LONP1: variants seen among roughly 807,000 people sequenced by gnomAD.
LONP1 encodes the protein lon protease homolog, mitochondrial.
A neutral mutation model predicts 98.5 loss-of-function variants in LONP1; 31 were observed. The observed-to-expected ratio is 0.31, with a 90% CI of 0.24 to 0.42. The LOEUF (loss-of-function observed/expected upper bound fraction) is 0.42. LONP1 is among the 20% of genes least tolerant of loss of function. The probability of loss-of-function intolerance (pLI) is 1.00; values close to 1 mark genes in which losing one functional copy is unlikely to be tolerated. For synonymous variants in LONP1, 781 were observed against 594.7 expected (o/e 1.31, Z -4.56); for missense variants, 1,336 against 1,350.6 (o/e 0.99, Z 0.17).
chr19:5,704,506 T>C (rs921881691), intron 8 of LONP1, among the ~76,000 whole-genome samples: 2 of 152,154 alleles, frequency 1.3e-5, no homozygotes, highest in Non-Finnish European at 2.9e-5. Context: ...AAGAAACTCA[T>C]GCCTTCCCTC....
rs1405827973 is a variant in LONP1, at chr19:5,719,986, A to C, written c.147T>G (p.Ser49=). The part of the protein sequence containing the change: ...LLRGQRTCDA[S]PPWALWGRGP... Reference sequence around the variant, plus strand: ...CTCGGCCCCACAGTGCCCAAGGAGGAGAGGCGTCGCAGGTCCGCTGGCCTC... The same window carrying C: ...CTCGGCCCCACAGTGCCCAAGGAGGCGAGGCGTCGCAGGTCCGCTGGCCTC... Residue 49 remains serine, a synonymous_variant, in exon 1 of 18, where the codon TCT becomes TCG. Transcript: ENST00000360614. The C allele has an allele frequency of 6.3e-7, 1 of 1,582,808 alleles. No homozygotes were observed. The highest frequency in any genetic ancestry group is 1.1e-5 in the South Asian group (1 of 87,024).
intron 15 of LONP1, 123 bp downstream of exon 15, chr19:5,694,263 AC>A: frequency 9.2e-6 from 12 of 1,304,922 alleles, no homozygotes; most frequent in Admixed American, 2.3e-5. Flanking sequence ...CCAGCACACC[AC>A]CCCCCGCCAG....
chr19:5,716,281 T>TATAC lies in LONP1; in HGVS notation c.430-2011_430-2010insGTAT, dbSNP rs1464694027. On this transcript the variant is annotated intron_variant, in intron 1 of 17. Coordinates refer to ENST00000360614, the MANE Select transcript of LONP1 (RefSeq NM_004793.4). Reference sequence around the variant, plus strand: ...ATACATATATATATATATATATATATATATATATATATATATATAGTAATG... The same window carrying TATAC: ...ATACATATATATATATATATATATATATACATATATATATATATATATAGTAATG... Among the ~76,000 whole-genome samples the TATAC allele has an allele frequency of 8.2e-5, 9 of 110,298 alleles. 1 individual carries two copies. Among genetic ancestry groups the TATAC allele is most frequent in the Non-Finnish European group, 1.2e-4 (6 of 49,628 alleles). 72.4% of individuals were successfully genotyped at this position (110,298 alleles called of 152,430 possible).
intron 9 of LONP1, among the ~76,000 whole-genome samples, chr19:5,700,454 T>A (rs1005649565): frequency 3.3e-5 from 5 of 152,160 alleles, no homozygotes; most frequent in Non-Finnish European, 5.9e-5. Context: ...TCTCACTCTG[T>A]CACCCAACCT....
At position 5,696,885 on chromosome 19, in the gene LONP1, G is replaced by A. The variant is rs927039370; in HGVS notation, c.1686-128C>T. ...CACAAGATGTGGCCATGATGTGGGAGGCGGAAATGCTGGCAGCCGCCGGAT... is the reference window on the plus strand; with the variant it reads ...CACAAGATGTGGCCATGATGTGGGAAGCGGAAATGCTGGCAGCCGCCGGAT... On this transcript the variant is annotated intron_variant, in intron 10 of 17. Coordinates refer to ENST00000360614, the MANE Select transcript of LONP1 (RefSeq NM_004793.4). 1.1e-4 allele frequency: 70 copies of A among 642,032 alleles called. No homozygotes were observed. In the Middle Eastern group the frequency reaches 2.4e-3, roughly 22 times the overall value. 39.8% of individuals were successfully genotyped at this position (642,032 alleles called of 1,614,324 possible).
intron 4 of LONP1, among the ~76,000 whole-genome samples, chr19:5,710,422 G>T (rs1045613488): frequency 3.3e-5 from 5 of 150,666 alleles, no homozygotes; most frequent in Non-Finnish European, 5.9e-5. Context: ...TAGATACAGG[G>T]TCTCACTCTG....
At chr19:5,702,296 G>A (rs1215126561) in intron 8 of LONP1, among the ~76,000 whole-genome samples, 1 of 143,150 alleles carries the variant, frequency 7.0e-6, no homozygotes, top group Non-Finnish European at 1.5e-5. Context: ...CCCCATCCGG[G>A]AGGGAGGTGG....
intron 8 of LONP1, among the ~76,000 whole-genome samples, chr19:5,703,991 C>G (rs557214651): frequency 3.0e-4 from 45 of 152,348 alleles, no homozygotes; most frequent in Middle Eastern, 6.8e-3. Context: ...GTTCTCCCCC[C>G]ACAGGAGGCG....
Position 5,693,445 on chromosome 19 carries a change from G to A in LONP1, c.2556C>T (p.Asp852=), listed in dbSNP as rs1269590556. ...LHVPEGATPK[D]GPSAGCTIVT... is the part of the protein sequence containing the mutation. ...CGATGGTGCAGCCTGCGCTTGGGCC[G>A]TCCTTGGGGGTGGCGCCCTGTGGAG... is the stretch of plus-strand genomic sequence containing the variant. The change falls in exon 17 of 18, where the codon GAC becomes GAT. Residue 852 remains aspartate (D), a synonymous_variant. Coordinates refer to ENST00000360614, the MANE Select transcript of LONP1 (RefSeq NM_004793.4). 1.4e-5 allele frequency: 22 copies of A among 1,611,296 alleles called. No homozygotes were observed. Among genetic ancestry groups the A allele is most frequent in the South Asian group, 5.5e-5 (5 of 91,030 alleles).
intron 10 of LONP1, among the ~76,000 whole-genome samples, chr19:5,697,770 G>A (rs1050687423): frequency 2.6e-5 from 4 of 151,546 alleles, no homozygotes; most frequent in Non-Finnish European, 4.4e-5. Flanking sequence ...CCTTGTCTCA[G>A]GAACCCAGAG....
rs1229231954 is a variant in LONP1 at position 5,696,745 on chromosome 19, C to T, written c.1698G>A (p.Val566=). ...GGATGATCTTCCCGGGCATGGCGCCCACGTAGGTCCGCCTGTGGGTGCACA... is the reference window on the plus strand; with the variant it reads ...GGATGATCTTCCCGGGCATGGCGCCTACGTAGGTCCGCCTGTGGGTGCACA... The part of the protein sequence containing the change: ...AEIKGHRRTY[V]GAMPGKIIQC... The change falls in exon 11 of 18, where the codon GTG becomes GTA. Residue 566 remains valine, a synonymous_variant. Coordinates refer to ENST00000360614, the MANE Select transcript of LONP1 (RefSeq NM_004793.4). The T allele has an allele frequency of 3.1e-6, 5 of 1,612,984 alleles. No individual in the cohort carries two copies. The South Asian group carries it at 4.4e-5, about 14-fold the overall frequency.
Position 5,707,745 on chromosome 19 carries a change from G to A in LONP1, c.1014C>T (p.Leu338=), listed in dbSNP as rs138945274. The A allele has an allele frequency of 2.8e-4, 449 of 1,613,304 alleles. 2 individuals carry two copies. The African/African-American group carries it at 5.5e-3, about 20-fold the overall frequency. The change falls in exon 6 of 18, where the codon CTC becomes CTT. Residue 338 remains leucine, a synonymous_variant. Transcript: ENST00000360614. ...PIYLSDMGAA[L]TGAESHELQD... ...GCAGCTCATGGGACTCGGCCCCGGT[G>A]AGCGCGGCGCCCATGTCGCTCAGGT...
Position 5,712,010 on chromosome 19 carries a change from G to C in LONP1, c.639-8C>G, listed in dbSNP as rs752645915. ...TGTCTGCTGATATGGACTCTGACACGGGAGCAAGGCAGGTGTGAATCAGCC... is the reference window on the plus strand; with the variant it reads ...TGTCTGCTGATATGGACTCTGACACCGGAGCAAGGCAGGTGTGAATCAGCC... On this transcript the variant is annotated splice_region_variant and splice_polypyrimidine_tract_variant and intron_variant, in intron 3 of 17. Coordinates refer to ENST00000360614, the MANE Select transcript of LONP1 (RefSeq NM_004793.4). The C allele has an allele frequency of 1.9e-6, 3 of 1,607,932 alleles. No homozygotes were observed. Among genetic ancestry groups the C allele is most frequent in the South Asian group, 2.2e-5 (2 of 90,832 alleles).
intron 9 of LONP1, among the ~76,000 whole-genome samples, chr19:5,699,438 C>T (rs993384076): frequency 1.3e-5 from 2 of 152,094 alleles, no homozygotes; most frequent in African/African-American, 4.8e-5. Flanking sequence ...GCTAGGAGAC[C>T]GCGGCCACCC....
At position 5,705,926 on chromosome 19, in the gene LONP1, T is replaced by G; in HGVS notation, c.1213A>C (p.Lys405Gln). Reference sequence around the variant, plus strand: ...TCGTCCTTCTCCAGGCCCAGCTCCTTCTTGATGATCTTTAGCTGCTCCTGC... The same window carrying G: ...TCGTCCTTCTCCAGGCCCAGCTCCTGCTTGATGATCTTTAGCTGCTCCTGC... ...LLQEQLKIIK[K>Q]ELGLEKDDKD... The change falls in exon 8 of 18, where the codon AAG (lysine) becomes CAG (glutamine). Residue 405 changes from lysine to glutamine, a missense_variant. By Grantham distance (53) the Lys-to-Gln change is moderately conservative. Transcript: ENST00000360614. The G allele has an allele frequency of 6.2e-7, 1 of 1,614,034 alleles. No individual in the cohort carries two copies. The highest frequency in any genetic ancestry group is 8.5e-7 in the Non-Finnish European group (1 of 1,180,012).
chr19:5,698,046 G>A (rs2054973763), intron 10 of LONP1, among the ~76,000 whole-genome samples: 1 of 134,758 alleles, frequency 7.4e-6, no homozygotes, highest in Non-Finnish European at 1.5e-5. Context: ...AGGGCCTGCA[G>A]AACAGGTCCC....
chr19:5,692,584 C>A (rs1001005843), intron 17 of LONP1, among the ~76,000 whole-genome samples: 7 of 152,164 alleles, frequency 4.6e-5, no homozygotes, highest in Admixed American at 3.9e-4. Context: ...TCTCTGCCCC[C>A]AGGCCCTGCG....
At chr19:5,702,194 G>A in intron 8 of LONP1, among the ~76,000 whole-genome samples, 1 of 150,558 alleles carries the variant, frequency 6.6e-6, no homozygotes, top group Non-Finnish European at 1.5e-5. Flanking sequence ...CCCCCTCCGG[G>A]AGGGAGGAGT....
At chr19:5,698,656 TA>T (rs1378237202) in intron 10 of LONP1, among the ~76,000 whole-genome samples, 5 of 152,174 alleles carry the variant, frequency 3.3e-5, no homozygotes, top group Admixed American at 1.3e-4. Context: ...ACCCCACCCC[TA>T]GTCCTGGGGC....
Sources: gnomAD v4.1 joint callset for allele counts (sites outside exome capture counted in the v4.1 genomes callset) on GRCh38, gnomAD v4.1.1 for gene constraint, MANE v1.5 for transcripts, NCBI Gene and HGNC (gene_info 2026-07-23, HGNC 2026-07-21) for gene names.